The following GSG1L variants were observed in gnomAD, a reference collection of about 807,000 sequenced individuals.
GSG1L encodes the protein germ cell-specific gene 1-like protein.
A neutral mutation model predicts 42.1 loss-of-function variants in GSG1L; 24 were observed. That is an observed-to-expected ratio of 0.57 (90% CI 0.41 to 0.80). The LOEUF is 0.80. GSG1L is among the 30% of genes least tolerant of loss of function. The pLI, the probability that GSG1L is intolerant of heterozygous loss-of-function variation, is 0.00. For synonymous variants in GSG1L, 215 were observed against 203.5 expected, an observed-to-expected ratio of 1.06 and a Z score of -0.48; for missense variants, 445 against 472.2, an observed-to-expected ratio of 0.94 and a Z score of 0.53.
chr16:27,964,749 T>C (rs1217903670), intron 1 of GSG1L, among the ~76,000 whole-genome samples: 3 of 151,782 alleles, frequency 2.0e-5, no homozygotes, highest in South Asian at 2.1e-4. Flanking sequence ...ACATAGAGAG[T>C]AGAAGGATGG....
intron 2 of GSG1L, among the ~76,000 whole-genome samples, chr16:27,955,513 C>T (rs897256752): frequency 6.6e-6 from 1 of 152,084 alleles, no homozygotes; most frequent in Admixed American, 6.6e-5. Context: ...TTGAAATTTT[C>T]AACAACACTG....
At chr16:28,006,457 C>G (rs908334690) in intron 1 of GSG1L, among the ~76,000 whole-genome samples, 2 of 151,988 alleles carry the variant, frequency 1.3e-5, no homozygotes, top group Non-Finnish European at 2.9e-5. Context: ...TACAGGCACA[C>G]ACCACCATGC....
chr16:28,048,147 G>C (rs2086184583), intron 1 of GSG1L, among the ~76,000 whole-genome samples: 1 of 151,852 alleles, frequency 6.6e-6, no homozygotes, highest in South Asian at 2.1e-4. Flanking sequence ...AGGATCACTT[G>C]AACCCAGGAA....
intron 1 of GSG1L, among the ~76,000 whole-genome samples, chr16:27,986,804 G>A (rs1361335888): frequency 6.6e-6 from 1 of 152,262 alleles, no homozygotes; most frequent in Non-Finnish European, 1.5e-5. Flanking sequence ...ACATCTGTAA[G>A]TATTAGGCCC....
rs1436706657 is a variant in GSG1L, at chr16:27,949,601, T to C, written c.397+13555A>G. On this transcript the variant is annotated intron_variant, in intron 2 of 6. Coordinates refer to ENST00000447459, the MANE Select transcript of GSG1L (RefSeq NM_001109763.2). ...CACCACCGCACTCCAGCCTGGACGA[T>C]AGAGTGAGACCCCATCTCTAAAAAA... 2.0e-5 allele frequency among the ~76,000 whole-genome samples: 3 copies of C among 151,964 alleles called. No homozygotes were observed. In the South Asian group the frequency reaches 6.2e-4, roughly 32 times the overall value.
chr16:27,952,952 C>T (rs1413979059), intron 2 of GSG1L, among the ~76,000 whole-genome samples: 1 of 152,236 alleles, frequency 6.6e-6, no homozygotes, highest in Admixed American at 6.5e-5. Flanking sequence ...GCAAGGGCAA[C>T]CGCTGACCCA....
intron 6 of GSG1L, among the ~76,000 whole-genome samples, chr16:27,801,930 C>T (rs705915): frequency 0.45 from 68,471 of 151,988 alleles, 15,679 homozygotes; most frequent in African/African-American, 0.51. Flanking sequence ...AGGTGAGATA[C>T]TGTGATTAGA....
At chr16:28,060,270 G>A (rs114941831) in intron 1 of GSG1L, among the ~76,000 whole-genome samples, 1,735 of 152,168 alleles carry the variant, frequency 0.011, 38 homozygotes, top group African/African-American at 0.039. Flanking sequence ...AGGTTGTCAT[G>A]GCAACAAAAG....
chr16:27,880,835 G>T (rs2083943706), intron 3 of GSG1L, among the ~76,000 whole-genome samples: 1 of 151,914 alleles, frequency 6.6e-6, no homozygotes, highest in African/African-American at 2.4e-5. Context: ...GGGATTTTTT[G>T]ATGCTTGGTG....
chr16:27,951,473 G>A (rs914098412), intron 2 of GSG1L, among the ~76,000 whole-genome samples: 2 of 152,148 alleles, frequency 1.3e-5, no homozygotes, highest in African/African-American at 4.8e-5. Flanking sequence ...CGGGAGCATC[G>A]AGTGAGAGTA....
chr16:27,894,082 T>C (rs114704409), intron 2 of GSG1L, among the ~76,000 whole-genome samples: 2,825 of 152,304 alleles, frequency 0.019, 81 homozygotes, highest in African/African-American at 0.064. Context: ...GGTAAGGCAC[T>C]GAGAAAGATT....
intron 5 of GSG1L, among the ~76,000 whole-genome samples, chr16:27,819,557 C>T (rs753650779): frequency 2.0e-5 from 3 of 152,106 alleles, no homozygotes; most frequent in South Asian, 2.1e-4. Context: ...CCCAGCTTGG[C>T]GGAGGAGACG....
chr16:27,903,638 C>G (rs1281393878), intron 2 of GSG1L, among the ~76,000 whole-genome samples: 1 of 152,186 alleles, frequency 6.6e-6, no homozygotes, highest in East Asian at 1.9e-4. Context: ...GCTCAGATGC[C>G]CCCCCTTGGG....
intron 5 of GSG1L, among the ~76,000 whole-genome samples, chr16:27,810,671 T>A (rs1349130912): frequency 6.6e-6 from 1 of 152,044 alleles, no homozygotes; most frequent in Non-Finnish European, 1.5e-5. Context: ...AACAAAAGGA[T>A]AATGTCTTTT....
intron 2 of GSG1L, among the ~76,000 whole-genome samples, chr16:27,888,401 CTT>C (rs2084057025): frequency 1.6e-5 from 2 of 122,530 alleles, no homozygotes; most frequent in African/African-American, 7.3e-5. Context: ...TTCTTTTCTC[CTT>C]CTTTCTTTCT....
intron 1 of GSG1L, among the ~76,000 whole-genome samples, chr16:27,963,694 C>T (rs2085096071): frequency 6.6e-6 from 1 of 152,194 alleles, no homozygotes; most frequent in South Asian, 2.1e-4. Context: ...CCTTGACTGG[C>T]CTGTCCACCC....
intron 2 of GSG1L, among the ~76,000 whole-genome samples, chr16:27,907,039 G>A (rs2084328087): frequency 6.6e-6 from 1 of 152,182 alleles, no homozygotes; most frequent in South Asian, 2.1e-4. Context: ...CCAGCTACAG[G>A]GCTAGTATCC....
chr16:27,833,498 A>C (rs1160382102), intron 4 of GSG1L, among the ~76,000 whole-genome samples: 2 of 152,104 alleles, frequency 1.3e-5, no homozygotes, highest in East Asian at 3.9e-4. Context: ...TTCCCATATA[A>C]ATTTTAGAAT....
At chr16:27,936,723 C>T (rs1018926922) in intron 2 of GSG1L, among the ~76,000 whole-genome samples, 1 of 152,182 alleles carries the variant, frequency 6.6e-6, no homozygotes, top group Non-Finnish European at 1.5e-5. Flanking sequence ...TCCTCTGGCT[C>T]AAAGTCATCC....
Sources: gnomAD v4.1 joint callset for allele counts (sites outside exome capture counted in the v4.1 genomes callset) on GRCh38, gnomAD v4.1.1 for gene constraint, MANE v1.5 for transcripts, NCBI Gene and HGNC (gene_info 2026-07-23, HGNC 2026-07-21) for gene names.